Variants in EYS observed in about 807,000 individuals in gnomAD.
The protein encoded by EYS is EGF-like photoreceptor maintenance factor.
In EYS, 250 loss-of-function variants were observed where a neutral mutation model predicts 282.1. The ratio of observed to expected loss-of-function variants is 0.89; its 90% CI spans 0.80 to 0.98. The LOEUF (loss-of-function observed/expected upper bound fraction) is 0.98. EYS is among the 50% of genes least tolerant of loss of function. The pLI, the probability that EYS is intolerant of heterozygous loss-of-function variation, is 0.00. For missense variants in EYS, 4,016 were observed against 3,709.0 expected (o/e 1.08, Z -2.15); for synonymous variants, 1,355 against 1,282.9 (o/e 1.06, Z -1.20).
Position 63,720,899 on chromosome 6 carries a change from C to A in EYS, c.9132G>T (p.Trp3044Cys). ...YNNGTFCCNK[W>C]HHVVVIQNQT... is the part of the protein sequence containing the mutation. ...GATTTTGAATTACAACTACATGGTG[C>A]CATTTATTACAACAGAATGTGCCAT... The change falls in exon 43 of 43, where the codon TGG becomes TGT. Residue 3044 changes from tryptophan to cysteine, a missense_variant. Physicochemically the swap from Trp to Cys is radical, Grantham distance 215. Coordinates refer to ENST00000503581, the MANE Select transcript of EYS (RefSeq NM_001142800.2). 1 of 1,550,804 alleles carries A rather than the reference C, an allele frequency of 6.4e-7. No individual in the cohort carries two copies. Among genetic ancestry groups the A allele is most frequent in the Non-Finnish European group, 8.7e-7 (1 of 1,146,372 alleles).
intron 12 of EYS, among the ~76,000 whole-genome samples, chr6:65,210,926 G>A (rs1001463545): frequency 1.6e-4 from 21 of 131,758 alleles, no homozygotes; most frequent in African/African-American, 3.2e-4. Context: ...CTATAAAGTC[G>A]TACAAACACA....
chr6:65,684,612 G>A (rs1438613514), intron 1 of EYS, among the ~76,000 whole-genome samples: 1 of 152,142 alleles, frequency 6.6e-6, no homozygotes, highest in African/African-American at 2.4e-5. Context: ...CACTGGAGAA[G>A]TTTAAAAGCA....
intron 14 of EYS, among the ~76,000 whole-genome samples, chr6:64,950,715 G>T (rs1011146504): frequency 2.1e-5 from 3 of 142,340 alleles, no homozygotes. Flanking sequence ...CCTACAAAAT[G>T]ATTTAAAAAA....
chr6:64,068,967 A>C (rs1204511665), intron 32 of EYS, among the ~76,000 whole-genome samples: 1 of 152,058 alleles, frequency 6.6e-6, no homozygotes, highest in Non-Finnish European at 1.5e-5. Flanking sequence ...GTGTCTTTGT[A>C]AAAGGGAGGA....
intron 34 of EYS, among the ~76,000 whole-genome samples, chr6:63,988,590 C>T (rs757956496): frequency 4.0e-5 from 6 of 151,522 alleles, no homozygotes; most frequent in Admixed American, 6.6e-5. Flanking sequence ...ATCCAAGAGA[C>T]GACTTTTGTG....
Position 64,341,298 on chromosome 6 carries a change from G to C in EYS, c.6079-34216C>G, listed in dbSNP as rs1190443886. Among the ~76,000 whole-genome samples, 3 of 151,768 alleles carry C rather than the reference G, an allele frequency of 2.0e-5. No individual in the cohort carries two copies. The South Asian group carries it at 6.2e-4, about 31-fold the overall frequency. ...GCAAAGACATTAAATCAATATGAGTGCCCATTAATGGTGGATTGGATAAAT... is the reference window on the plus strand; with the variant it reads ...GCAAAGACATTAAATCAATATGAGTCCCCATTAATGGTGGATTGGATAAAT... On this transcript the variant is annotated intron_variant, in intron 29 of 42. Coordinates refer to ENST00000503581, the MANE Select transcript of EYS (RefSeq NM_001142800.2).
At chr6:65,380,604 A>T (rs1303254473) in intron 8 of EYS, among the ~76,000 whole-genome samples, 1 of 152,156 alleles carries the variant, frequency 6.6e-6, no homozygotes, top group Non-Finnish European at 1.5e-5. Flanking sequence ...TTGCAACAAA[A>T]GCCAAAATTG....
chr6:64,000,087 C>A (rs189864428), intron 33 of EYS, among the ~76,000 whole-genome samples: 1 of 147,450 alleles, frequency 6.8e-6, no homozygotes, highest in Non-Finnish European at 1.5e-5. Context: ...TTTTGGACAA[C>A]GATCAGACTT....
chr6:63,960,584 A>G lies in EYS; in HGVS notation c.7055+23799T>C, dbSNP rs1239807656. On this transcript the variant is annotated intron_variant, in intron 35 of 42. Transcript: ENST00000503581. The stretch of plus-strand genomic sequence containing the variant: ...TACTACAGAGAAATCTTTCATGACA[A>G]GAAGAGTCAATGTGACAAACTTTAT... Among the ~76,000 whole-genome samples, 3 of 152,214 alleles carry G rather than the reference A, an allele frequency of 2.0e-5. No homozygotes were observed. In the East Asian group the frequency reaches 5.8e-4, roughly 29 times the overall value.
chr6:64,200,071 A>G (rs1408872114), intron 31 of EYS, among the ~76,000 whole-genome samples: 1 of 152,220 alleles, frequency 6.6e-6, no homozygotes, highest in Non-Finnish European at 1.5e-5. Flanking sequence ...GAGAGAAGCC[A>G]GTCTGAAAAG....
intron 2 of EYS, among the ~76,000 whole-genome samples, chr6:65,527,489 C>T (rs1483456663): frequency 6.6e-6 from 1 of 152,182 alleles, no homozygotes; most frequent in African/African-American, 2.4e-5. Flanking sequence ...TTCAACAGAA[C>T]AGATGACATA....
Position 64,230,656 on chromosome 6 carries a change from G to A in EYS, c.6360C>T (p.Ser2120=). 6.4e-7 allele frequency: 1 copy of A among 1,551,550 alleles called. No individual in the cohort carries two copies. Among genetic ancestry groups the A allele is most frequent in the South Asian group, 1.2e-5 (1 of 84,054 alleles). ...NGGTCHAIFL[S]SGIVSFQCDC... ...CACATTGGAATGACACTATGCCACT[G>A]GAGAGGAAGATGGCATGGCATGTGC... is the stretch of plus-strand genomic sequence containing the variant. Residue 2120 remains serine (S), a synonymous_variant, in exon 31 of 43, where the codon TCC becomes TCT. Coordinates refer to ENST00000503581, the MANE Select transcript of EYS (RefSeq NM_001142800.2).
intron 29 of EYS, among the ~76,000 whole-genome samples, chr6:64,310,057 A>C (rs148984910): frequency 0.01 from 1,215 of 120,070 alleles, 25 homozygotes; most frequent in African/African-American, 0.042. Flanking sequence ...TATTTATTAA[A>C]AGTAAAAAAA....
At chr6:65,488,214 A>T (rs190653515) in intron 5 of EYS, among the ~76,000 whole-genome samples, 1 of 152,010 alleles carries the variant, frequency 6.6e-6, no homozygotes, top group Admixed American at 6.6e-5. Flanking sequence ...GTCTTCTGCT[A>T]GCTTTTGAAT....
At chr6:64,743,222 A>G (rs1250701290) in intron 22 of EYS, among the ~76,000 whole-genome samples, 1 of 152,144 alleles carries the variant, frequency 6.6e-6, no homozygotes, top group East Asian at 1.9e-4. Context: ...TTTTATAGAA[A>G]TAAGTCTATA....
chr6:65,316,828 CAT>C (rs1769307571), intron 11 of EYS, among the ~76,000 whole-genome samples: 1 of 152,140 alleles, frequency 6.6e-6, no homozygotes, highest in Non-Finnish European at 1.5e-5. Flanking sequence ...GTTGTGGCTG[CAT>C]AGTATTCCAT....
chr6:64,794,838 G>A (rs748255606), intron 22 of EYS, among the ~76,000 whole-genome samples: 1 of 151,994 alleles, frequency 6.6e-6, no homozygotes, highest in Non-Finnish European at 1.5e-5. Context: ...TTGAGATAAA[G>A]TCTTCTATTA....
At chr6:65,149,743 G>C (rs1474660004) in intron 12 of EYS, among the ~76,000 whole-genome samples, 1 of 152,114 alleles carries the variant, frequency 6.6e-6, no homozygotes, top group Non-Finnish European at 1.5e-5. Flanking sequence ...TTACAAAGCT[G>C]CTTCCACATT....
At chr6:65,222,845 T>C (rs149276782) in intron 12 of EYS, among the ~76,000 whole-genome samples, 2,183 of 152,228 alleles carry the variant, frequency 0.014, 24 homozygotes, top group Non-Finnish European at 0.018. Context: ...AGAAGAAACA[T>C]GGTGGCACCA....
Sources: allele counts gnomAD v4.1 joint callset (sites outside exome capture counted in the v4.1 genomes callset), GRCh38; gene constraint gnomAD v4.1.1; transcripts MANE v1.5; gene names NCBI Gene and HGNC (gene_info 2026-07-23, HGNC 2026-07-21).